Variants in SP110 observed in about 807,000 individuals in gnomAD.
SP110 encodes the protein SP110 nuclear body protein, also known as interferon-induced protein 41, 30kD.
In SP110, 62 loss-of-function variants were observed where a neutral mutation model predicts 92.7. The ratio of observed to expected loss-of-function variants is 0.67; its 90% CI spans 0.55 to 0.83. The LOEUF (loss-of-function observed/expected upper bound fraction) is 0.83, where lower values mean the gene tolerates loss of function less well. Among genes scored for constraint, SP110 ranks in the 40% least tolerant of loss-of-function variants. The pLI, the probability that SP110 is intolerant of heterozygous loss-of-function variation, is 0.00. For missense variants in SP110, 793 were observed against 863.9 expected (o/e 0.92, Z 1.03); for synonymous variants, 273 against 305.3 (o/e 0.89, Z 1.10).
rs2078317727 is a variant in SP110 at position 230,166,842 on chromosome 2, C to G, written c.*2282G>C. On this transcript the variant is annotated 3_prime_UTR_variant, in exon 19 of 19. Transcript: ENST00000258381. ...ATAAATCATGTATCAAGGAAAATTT[C>G]CTGCCCTGGGATTAGGGGGAACTAG... Among the ~76,000 whole-genome samples, 1 of 152,068 alleles carries G rather than the reference C, an allele frequency of 6.6e-6. No individual in the cohort carries two copies. Among genetic ancestry groups the G allele is most frequent in the Non-Finnish European group, 1.5e-5 (1 of 68,000 alleles).
Position 230,195,489 on chromosome 2 carries a change from C to A in SP110, c.1129+5396G>T, listed in dbSNP as rs190866319. 7.1e-3 allele frequency among the ~76,000 whole-genome samples: 1,079 copies of A among 152,234 alleles called. 8 individuals are homozygous for A. The highest frequency in any genetic ancestry group is 0.031 in the Middle Eastern group (9 of 294). On this transcript the variant is annotated intron_variant, in intron 10 of 18. Transcript: ENST00000258381. ...AGCTGGCATAACAGGTATGCACCCC[C>A]AGGCTAACTTTTGCATTTTTAGTAG...
intron 15 of SP110, 188 bp downstream of exon 15, chr2:230,172,656 G>A (rs2078477966): frequency 3.4e-6 from 2 of 596,506 alleles, no homozygotes; most frequent in South Asian, 1.9e-5. Context: ...CTAGGAAAGG[G>A]CACTTCCAGG....
intron 7 of SP110, among the ~76,000 whole-genome samples, chr2:230,208,921 T>C (rs919343711): frequency 1.3e-5 from 2 of 152,026 alleles, no homozygotes; most frequent in African/African-American, 4.8e-5. Flanking sequence ...TGTGAGTTAG[T>C]GTCAATGTTA....
chr2:230,212,691 A>G, intron 4 of SP110, 70 bp downstream of exon 4: 1 of 1,578,236 alleles, frequency 6.3e-7, no homozygotes, highest in South Asian at 1.1e-5. Context: ...AGATGCTGGG[A>G]TTGGCGGCAA....
At chr2:230,224,460 G>GGAGGGAGAGA (rs2046086413), upstream of SP110, among the ~76,000 whole-genome samples, 15 of 145,924 alleles carry the variant, frequency 1.0e-4, no homozygotes, top group African/African-American at 3.8e-4. Context: ...AGAGGGAGAG[G>GGAGGGAGAGA]GAGGGAGAGG....
chr2:230,203,515 G>A (rs1018685310), intron 8 of SP110: 2 of 152,288 alleles, frequency 1.3e-5, no homozygotes, highest in African/African-American at 4.8e-5. Flanking sequence ...AAAGCCCGGT[G>A]GGACCCAGGG....
chr2:230,212,408 G>T lies in SP110; in HGVS notation c.606C>A (p.Ser202=), dbSNP rs924979092. Residue 202 remains serine, a synonymous_variant, in exon 5 of 19, where the codon TCC becomes TCA. Coordinates refer to ENST00000258381, the MANE Select transcript of SP110 (RefSeq NM_080424.4). ...CTGAGTCTTCTTCCGCATTCATTTT[G>T]GATGTTAACTTGTCATTGGTCACTG... ...STSVTNDKLT[S]KMNAEEDSEE... is the part of the protein sequence containing the mutation. 1.9e-6 allele frequency: 3 copies of T among 1,611,940 alleles called. No homozygotes were observed. The African/African-American group carries it at 4.0e-5, about 22-fold the overall frequency.
chr2:230,221,203 C>A (rs1353594702), upstream of SP110, among the ~76,000 whole-genome samples: 1 of 151,732 alleles, frequency 6.6e-6, no homozygotes, highest in African/African-American at 2.4e-5. Context: ...ATTGCTTGAA[C>A]CCAGGAGGTG....
intron 14 of SP110, chr2:230,173,225 G>T: frequency 2.3e-6 from 1 of 428,132 alleles, no homozygotes; most frequent in Non-Finnish European, 4.5e-6. Context: ...GTTTTGAGCT[G>T]TGCTGCTGCC....
At chr2:230,212,473 T>C (rs2044600330) in intron 4 of SP110, 43 bp from the exon 5 acceptor site, 1 of 1,440,328 alleles carries the variant, frequency 6.9e-7, no homozygotes, top group Non-Finnish European at 9.8e-7. Context: ...AGGGACTGGA[T>C]GTCAGGGAGA....
In SP110 at chr2:230,200,946, T is replaced by C. The variant is rs373007586; in HGVS notation, c.1068A>G (p.Ser356=). The part of the protein sequence containing the change: ...SRSEEIIDGT[S]EMNEGKRSQK... Reference sequence around the variant, plus strand: ...GGGACCTCTTTCCTTCATTCATTTCTGAAGTGCCATCAATGATCTCTGGAA... The same window carrying C: ...GGGACCTCTTTCCTTCATTCATTTCCGAAGTGCCATCAATGATCTCTGGAA... Residue 356 remains serine (S), a synonymous_variant, in exon 10 of 19, where the codon TCA becomes TCG. Coordinates refer to ENST00000258381, the MANE Select transcript of SP110 (RefSeq NM_080424.4). 26 of 1,613,440 alleles carry C rather than the reference T, an allele frequency of 1.6e-5. No individual in the cohort carries two copies. Among genetic ancestry groups the C allele is most frequent in the Non-Finnish European group, 2.2e-5 (26 of 1,179,438 alleles).
intron 6 of SP110, among the ~76,000 whole-genome samples, chr2:230,210,454 G>A (rs895637422): frequency 6.6e-6 from 1 of 152,200 alleles, no homozygotes; most frequent in Non-Finnish European, 1.5e-5. Context: ...TGTCTTTGCT[G>A]TATGAAAAAT....
chr2:230,178,404 A>T (rs931946293), intron 12 of SP110, 149 bp from the exon 13 acceptor site: 2 of 654,808 alleles, frequency 3.1e-6, no homozygotes, highest in Non-Finnish European at 5.6e-6. Flanking sequence ...CGAGTGACAG[A>T]TAAGCTATGT....
intron 10 of SP110, among the ~76,000 whole-genome samples, chr2:230,198,395 G>A (rs777051964): frequency 1.3e-5 from 2 of 152,194 alleles, no homozygotes; most frequent in Non-Finnish European, 2.9e-5. Context: ...TGGAACTAGA[G>A]GAGGGCAGTC....
intron 6 of SP110, among the ~76,000 whole-genome samples, chr2:230,210,890 G>T (rs553910543): frequency 1.3e-4 from 20 of 152,322 alleles, no homozygotes; most frequent in Non-Finnish European, 1.5e-5. Context: ...AAGTGATATA[G>T]AAATGACCAG....
At chr2:230,176,815 AC>A in intron 14 of SP110, 1 of 1,295,600 alleles carries the variant, frequency 7.7e-7, no homozygotes, top group East Asian at 2.3e-5. Flanking sequence ...GAATGTCTGT[AC>A]CCAGACATCA....
rs2078483256 is a variant in SP110, at chr2:230,172,824, CG to C, written c.1706+19del. 1 of 1,522,314 alleles carries C rather than the reference CG, an allele frequency of 6.6e-7. No individual in the cohort carries two copies. The highest frequency in any genetic ancestry group is 9.1e-7 in the Non-Finnish European group (1 of 1,096,664). The allele number at this position is 1,522,314 out of a possible 1,614,324, so 94.3% of individuals were successfully genotyped here. On this transcript the variant is annotated intron_variant, in intron 15 of 18. Coordinates refer to ENST00000258381, the MANE Select transcript of SP110 (RefSeq NM_080424.4). Reference sequence around the variant, plus strand: ...GGAGGTGAGTGCTGTGTGCCCGAGGCGGGGCTGCATCCCACTCACCTCTTGG... The same window carrying C: ...GGAGGTGAGTGCTGTGTGCCCGAGGCGGGCTGCATCCCACTCACCTCTTGG...
intron 8 of SP110, chr2:230,203,058 A>G (rs2043338889): frequency 8.0e-6 from 3 of 374,746 alleles, no homozygotes; most frequent in Non-Finnish European, 1.5e-5. Flanking sequence ...AGTCTCGTCT[A>G]GGTGGAGAGG....
At position 230,200,913 on chromosome 2, in the gene SP110, C is replaced by T. The variant is rs200621430; in HGVS notation, c.1101G>A (p.Thr367=). 45 of 1,613,604 alleles carry T rather than the reference C, an allele frequency of 2.8e-5. No homozygotes were observed. The Middle Eastern group carries it at 4.9e-4, about 18-fold the overall frequency. The part of the protein sequence containing the change: ...EMNEGKRSQK[T]PSTPRRVTQG... Reference sequence around the variant, plus strand: ...GTGTGACCCTTCGTGGTGTACTAGGCGTCTTCTGGGACCTCTTTCCTTCAT... The same window carrying T: ...GTGTGACCCTTCGTGGTGTACTAGGTGTCTTCTGGGACCTCTTTCCTTCAT... The change falls in exon 10 of 19, where the codon ACG becomes ACA. Residue 367 remains threonine (T), a synonymous_variant. Transcript: ENST00000258381.
Sources: gnomAD v4.1 joint callset for allele counts (sites outside exome capture counted in the v4.1 genomes callset) on GRCh38, gnomAD v4.1.1 for gene constraint, MANE v1.5 for transcripts, NCBI Gene and HGNC (gene_info 2026-07-23, HGNC 2026-07-21) for gene names.